AIMP1: variants seen among roughly 807,000 people sequenced by gnomAD.
AIMP1 encodes aminoacyl tRNA synthetase complex interacting multifunctional protein 1, also known as aminoacyl tRNA synthase complex-interacting multifunctional protein 1.
AIMP1 carries 24 observed loss-of-function variants against 33.1 expected under a neutral mutation model. The ratio of observed to expected loss-of-function variants is 0.73; its 90% CI spans 0.53 to 1.02. The LOEUF is 1.02. AIMP1 is among the 50% of genes least tolerant of loss of function. The probability of loss-of-function intolerance (pLI) is 0.00; values close to 1 mark genes in which losing one functional copy is unlikely to be tolerated. For synonymous variants in AIMP1, 120 were observed against 121.5 expected (o/e 0.99, Z 0.08); for missense variants, 367 against 364.8 (o/e 1.01, Z -0.05).
chr4:106,320,893 C>G (rs1313941881), intron 1 of AIMP1, among the ~76,000 whole-genome samples: 1 of 152,098 alleles, frequency 6.6e-6, no homozygotes, highest in Admixed American at 6.5e-5. Flanking sequence ...ATTGCAGGTG[C>G]GCGCCGCCAC....
At position 106,349,408 on chromosome 4, in the gene AIMP1, C is replaced by T. The variant is rs1298334830; in HGVS notation, c.*1716C>T. 2.6e-5 allele frequency among the ~76,000 whole-genome samples: 4 copies of T among 151,908 alleles called. No individual in the cohort carries two copies. Among genetic ancestry groups the T allele is most frequent in the Non-Finnish European group, 4.4e-5 (3 of 67,988 alleles). ...AACCTAAACTGATGATTAAATCGTT[C>T]ATCAAACCTAGAGATAATAAAAACT... On this transcript the variant is annotated 3_prime_UTR_variant, in exon 7 of 7. Coordinates refer to ENST00000672341, the MANE Select transcript of AIMP1 (RefSeq NM_001142416.2).
chr4:106,342,202 G>A (rs530577697), intron 6 of AIMP1, among the ~76,000 whole-genome samples: 1 of 152,232 alleles, frequency 6.6e-6, no homozygotes, highest in Non-Finnish European at 1.5e-5. Flanking sequence ...GAGTCTGTAG[G>A]GTTTTTTAGG....
chr4:106,322,029 G>A (rs1307425091), intron 1 of AIMP1, among the ~76,000 whole-genome samples: 2 of 152,048 alleles, frequency 1.3e-5, no homozygotes, highest in East Asian at 3.9e-4. Context: ...GTCCACTAAG[G>A]GTTAAATGGA....
chr4:106,316,794 T>C (rs1768933010), intron 1 of AIMP1, 200 bp downstream of exon 1: 1 of 532,396 alleles, frequency 1.9e-6, no homozygotes, highest in Non-Finnish European at 3.4e-6. Flanking sequence ...GTTTGAGAAA[T>C]GGGATGCAGG....
chr4:106,319,589 A>C (rs1769118790), intron 1 of AIMP1, among the ~76,000 whole-genome samples: 1 of 152,218 alleles, frequency 6.6e-6, no homozygotes, highest in Non-Finnish European at 1.5e-5. Context: ...TTAGTAAAGG[A>C]AAAAGAAAAG....
At chr4:106,327,719 A>G (rs961677281) in intron 3 of AIMP1, among the ~76,000 whole-genome samples, 155 bp downstream of exon 3, 9 of 152,204 alleles carry the variant, frequency 5.9e-5, no homozygotes, top group African/African-American at 1.9e-4. Flanking sequence ...GGGGGCATGG[A>G]TAGAACCTAC....
At chr4:106,329,772 C>CCTTTT (rs1554000880) in intron 4 of AIMP1, among the ~76,000 whole-genome samples, 16 of 53,060 alleles carry the variant, frequency 3.0e-4, no homozygotes, top group Admixed American at 5.8e-4. Context: ...TGCTACATAT[C>CCTTTT]TTTTTTTTTT....
intron 6 of AIMP1, among the ~76,000 whole-genome samples, chr4:106,340,891 T>C (rs1770073597): frequency 2.0e-5 from 3 of 152,196 alleles, no homozygotes; most frequent in Admixed American, 6.5e-5. Flanking sequence ...GCTGAACTAA[T>C]TTGCATTCCC....
At position 106,347,720 on chromosome 4, in the gene AIMP1, A is replaced by G. The variant is rs371096541; in HGVS notation, c.*28A>G. 6.2e-7 allele frequency: 1 copy of G among 1,604,176 alleles called. No homozygotes were observed. Among genetic ancestry groups the G allele is most frequent in the East Asian group, 2.3e-5 (1 of 44,434 alleles). On this transcript the variant is annotated 3_prime_UTR_variant, in exon 7 of 7. Transcript: ENST00000672341. ...TGCTTCCACTACCAAAAGACATTAG[A>G]GAAAACCTTAAAAGTAATAAAGAGA...
chr4:106,326,346 T>G (rs76159011), intron 2 of AIMP1, among the ~76,000 whole-genome samples: 2,525 of 152,302 alleles, frequency 0.017, 31 homozygotes, highest in Middle Eastern at 0.088. Flanking sequence ...TGTGAAACAG[T>G]TCTTCATTTT....
intron 5 of AIMP1, among the ~76,000 whole-genome samples, chr4:106,332,667 C>CTATAGA (rs150427941): frequency 0.15 from 21,898 of 147,336 alleles, 1,739 homozygotes; most frequent in South Asian, 0.25. Context: ...TTTTATGTAT[C>CTATAGA]TATAGATATA....
At chr4:106,335,304 T>G (rs1769832420) in intron 5 of AIMP1, among the ~76,000 whole-genome samples, 1 of 152,154 alleles carries the variant, frequency 6.6e-6, no homozygotes, top group Non-Finnish European at 1.5e-5. Context: ...AACTCCTCAT[T>G]TGGGCTTCAT....
intron 6 of AIMP1, among the ~76,000 whole-genome samples, chr4:106,345,851 AAATATAAAATATATTTTATATTCCT>A (rs1561034286): frequency 6.7e-6 from 1 of 148,272 alleles, no homozygotes; most frequent in African/African-American, 2.4e-5. Flanking sequence ...TATAAAATAT[AAATATAAAATATATTTTATATTCCT>A]AATATAAAAT....
intron 5 of AIMP1, among the ~76,000 whole-genome samples, chr4:106,332,877 CT>C (rs1288770735): frequency 6.6e-6 from 1 of 152,004 alleles, no homozygotes; most frequent in African/African-American, 2.4e-5. Flanking sequence ...TTACAAACTG[CT>C]GGGCCAAGGA....
At chr4:106,321,983 A>G (rs1011050668) in intron 1 of AIMP1, among the ~76,000 whole-genome samples, 1 of 151,382 alleles carries the variant, frequency 6.6e-6, no homozygotes, top group Non-Finnish European at 1.5e-5. Context: ...GTGTCCGCTA[A>G]GGGTTAAATG....
At chr4:106,319,931 G>A (rs1305949219) in intron 1 of AIMP1, among the ~76,000 whole-genome samples, 1 of 152,138 alleles carries the variant, frequency 6.6e-6, no homozygotes, top group Non-Finnish European at 1.5e-5. Flanking sequence ...AGACAGACCT[G>A]AGTTTCAATC....
intron 6 of AIMP1, among the ~76,000 whole-genome samples, chr4:106,342,786 T>C (rs1032465564): frequency 5.3e-5 from 8 of 152,190 alleles, no homozygotes; most frequent in Non-Finnish European, 8.8e-5. Context: ...GTCAGGCTGA[T>C]GCTGGCTTCA....
intron 4 of AIMP1, among the ~76,000 whole-genome samples, chr4:106,331,061 A>G (rs1272990148): frequency 6.6e-6 from 1 of 152,224 alleles, no homozygotes; most frequent in Non-Finnish European, 1.5e-5. Context: ...TCTTCAGAGA[A>G]ATCTAAGAAA....
intron 1 of AIMP1, among the ~76,000 whole-genome samples, chr4:106,320,789 G>A (rs931473361): frequency 6.6e-6 from 1 of 152,244 alleles, no homozygotes; most frequent in Admixed American, 6.5e-5. Flanking sequence ...GTCTCCCTCT[G>A]ATGCCGAGCC....
Sources: allele counts gnomAD v4.1 joint callset (sites outside exome capture counted in the v4.1 genomes callset), GRCh38; gene constraint gnomAD v4.1.1; transcripts MANE v1.5; gene names NCBI Gene and HGNC (gene_info 2026-07-23, HGNC 2026-07-21).